Variants in USP48 observed in about 807,000 individuals in gnomAD.
USP48 encodes the protein ubiquitin carboxyl-terminal hydrolase 48.
A neutral mutation model predicts 150.7 loss-of-function variants in USP48; 43 were observed. That is an observed-to-expected ratio of 0.29 (90% CI 0.22 to 0.37). USP48 has a LOEUF of 0.37. Ranked by LOEUF, USP48 falls within the 10% of genes least tolerant of loss-of-function variation. The pLI is 1.00. For missense variants in USP48, 813 were observed against 1,249.6 expected, an observed-to-expected ratio of 0.65 and a Z score of 5.27; for synonymous variants, 396 against 425.9, an observed-to-expected ratio of 0.93 and a Z score of 0.86.
intron 8 of USP48, among the ~76,000 whole-genome samples, chr1:21,744,952 A>C (rs1032028858): frequency 2.0e-5 from 3 of 152,160 alleles, no homozygotes; most frequent in African/African-American, 7.2e-5. Flanking sequence ...TCCTTTTAAC[A>C]ACAGATCTTC....
chr1:21,753,823 TAAAAAAAAAAAA>T (rs11308463), intron 3 of USP48, among the ~76,000 whole-genome samples: 1 of 86,638 alleles, frequency 1.2e-5, no homozygotes, highest in Non-Finnish European at 2.2e-5. Context: ...CGAGACTCTT[TAAAAAAAAAAAA>T]AAAAAAAAAA....
intron 25 of USP48, chr1:21,686,985 T>C: frequency 1.7e-6 from 1 of 574,764 alleles, no homozygotes; most frequent in South Asian, 2.1e-5. Context: ...TTTATTTCAG[T>C]TTCCTCAGGT....
intron 15 of USP48, 116 bp from the exon 16 acceptor site, chr1:21,706,984 A>G (rs1186212940): frequency 3.3e-6 from 4 of 1,199,536 alleles, no homozygotes; most frequent in Non-Finnish European, 4.5e-6. Context: ...TTGCTTTGCT[A>G]AAGTTTGGTA....
intron 12 of USP48, among the ~76,000 whole-genome samples, chr1:21,722,026 G>A (rs1277378650): frequency 1.3e-5 from 2 of 152,050 alleles, no homozygotes; most frequent in Non-Finnish European, 2.9e-5. Flanking sequence ...TATCTGACAA[G>A]GTTTACATGC....
chr1:21,750,701 T>C (rs1273224551), intron 6 of USP48, among the ~76,000 whole-genome samples: 3 of 151,714 alleles, frequency 2.0e-5, no homozygotes, highest in African/African-American at 7.3e-5. Flanking sequence ...GGTAAAACCC[T>C]GTTTCTACTA....
chr1:21,721,704 T>C lies in USP48; in HGVS notation c.1709A>G (p.Gln570Arg). The change falls in exon 13 of 27, where the codon CAA becomes CGA. Residue 570 changes from glutamine (Q) to arginine (R), a missense_variant. By Grantham distance (43) the Gln-to-Arg change is conservative (BLOSUM62 1). Transcript: ENST00000308271. Reference protein sequence around the residue: ...ERCRILRLKNQLNEDYKTVNN... With the variant: ...ERCRILRLKNRLNEDYKTVNN... ...AACAGTTTTATAATCTTCATTTAGT[T>C]GGTTCTTCAGACGCAATATGCGACA... 1 of 1,609,228 alleles carries C rather than the reference T, an allele frequency of 6.2e-7. No homozygotes were observed. The highest frequency in any genetic ancestry group is 8.5e-7 in the Non-Finnish European group (1 of 1,177,052).
intron 1 of USP48, among the ~76,000 whole-genome samples, chr1:21,769,875 G>T (rs2097874046): frequency 1.3e-5 from 2 of 151,670 alleles, no homozygotes; most frequent in East Asian, 3.9e-4. Flanking sequence ...GTGAAATCCT[G>T]TATCAAAAAG....
intron 15 of USP48, among the ~76,000 whole-genome samples, chr1:21,710,320 G>A (rs143341461): frequency 6.6e-6 from 1 of 152,242 alleles, no homozygotes; most frequent in African/African-American, 2.4e-5. Flanking sequence ...TTTAGATACT[G>A]GATAAATGAC....
rs2097719629 is a variant in USP48, at chr1:21,721,129, T to G, written c.1801A>C (p.Ser601Arg). 6.2e-7 allele frequency: 1 copy of G among 1,614,130 alleles called. No individual in the cohort carries two copies. The change falls in exon 14 of 27, where the codon AGT (serine) becomes CGT (arginine). Residue 601 changes from serine to arginine, a missense_variant. Transcript: ENST00000308271. ...TGTTCAAGAGCTAGCTGGCGCCAACTCCGCAAGGAGGACTTCCCCACCCAA... is the reference window on the plus strand; with the variant it reads ...TGTTCAAGAGCTAGCTGGCGCCAACGCCGCAAGGAGGACTTCCCCACCCAA... ...GFWVGKSSLR[S>R]WRQLALEQLD...
In USP48 at chr1:21,679,101, C is replaced by T. The variant is rs1241698219; in HGVS notation, c.*316G>A. Reference sequence around the variant, plus strand: ...ATAACAGAACTTTATTCCCCTCCCACGACTATAAATCTCATATGTAAACAT... The same window carrying T: ...ATAACAGAACTTTATTCCCCTCCCATGACTATAAATCTCATATGTAAACAT... On this transcript the variant is annotated 3_prime_UTR_variant, in exon 27 of 27. Transcript: ENST00000308271. 9.2e-6 allele frequency: 4 copies of T among 434,328 alleles called. No homozygotes were observed. Among genetic ancestry groups the T allele is most frequent in the African/African-American group, 2.0e-5 (1 of 49,588 alleles). 26.9% of individuals were successfully genotyped at this position (434,328 alleles called of 1,614,324 possible). A position where few individuals can be genotyped will look rare whatever the true frequency, so the allele number is the denominator to read the frequency against.
intron 25 of USP48, among the ~76,000 whole-genome samples, chr1:21,682,595 G>A (rs12749743): frequency 0.15 from 22,513 of 152,026 alleles, 2,269 homozygotes; most frequent in South Asian, 0.22. Context: ...AAGATTTGTG[G>A]GCCAGGCGTA....
intron 24 of USP48, among the ~76,000 whole-genome samples, chr1:21,688,623 C>T (rs569299486): frequency 2.7e-4 from 41 of 151,556 alleles, no homozygotes; most frequent in African/African-American, 9.9e-4. Context: ...GGGCAGATCA[C>T]CTGAGGTCAG....
At chr1:21,692,651 T>G (rs536347199) in intron 23 of USP48, among the ~76,000 whole-genome samples, 6 of 152,178 alleles carry the variant, frequency 3.9e-5, no homozygotes, top group African/African-American at 1.4e-4. Flanking sequence ...AGTACTGTTT[T>G]AGGTGTTGAT....
chr1:21,729,629 CCATTACTTAT>C, intron 10 of USP48, 65 bp downstream of exon 10: 1 of 1,527,288 alleles, frequency 6.5e-7, no homozygotes, highest in Admixed American at 1.8e-5. Flanking sequence ...TAAAAGCAAT[CCATTACTTAT>C]CATTAATCTT....
intron 1 of USP48, among the ~76,000 whole-genome samples, chr1:21,761,583 A>G (rs973992732): frequency 6.6e-6 from 1 of 152,158 alleles, no homozygotes; most frequent in African/African-American, 2.4e-5. Flanking sequence ...GTTTAAACAT[A>G]CTGTCTTCTA....
At chr1:21,762,113 A>G (rs961196495) in intron 1 of USP48, among the ~76,000 whole-genome samples, 1 of 152,168 alleles carries the variant, frequency 6.6e-6, no homozygotes, top group Non-Finnish European at 1.5e-5. Context: ...CTAAAAATAC[A>G]AAAATGTGCC....
At chr1:21,713,806 T>C (rs1288969005) in intron 15 of USP48, among the ~76,000 whole-genome samples, 1 of 152,194 alleles carries the variant, frequency 6.6e-6, no homozygotes, top group Non-Finnish European at 1.5e-5. Context: ...TCAACTCATC[T>C]TCTCCTGCTG....
intron 22 of USP48, among the ~76,000 whole-genome samples, chr1:21,699,706 G>A (rs968590909): frequency 1.3e-5 from 2 of 151,010 alleles, no homozygotes; most frequent in Non-Finnish European, 3.0e-5. Context: ...TAGTAGAGAC[G>A]GGTTTCACTA....
At chr1:21,763,540 G>A (rs2097854926) in intron 1 of USP48, among the ~76,000 whole-genome samples, 3 of 152,224 alleles carry the variant, frequency 2.0e-5, no homozygotes, top group Admixed American at 6.5e-5. Flanking sequence ...ACAGCTGGGC[G>A]CAGTGGCTCA....
Sources: allele counts gnomAD v4.1 joint callset (sites outside exome capture counted in the v4.1 genomes callset), GRCh38; gene constraint gnomAD v4.1.1; transcripts MANE v1.5; gene names NCBI Gene and HGNC (gene_info 2026-07-23, HGNC 2026-07-21).